The following ABCA10 variants were observed in gnomAD, a reference collection of about 807,000 sequenced individuals.
The protein encoded by ABCA10 is ATP-binding cassette sub-family A member 10.
Under a neutral mutation model 187.5 loss-of-function variants are expected in ABCA10, and 169 were observed. The ratio of observed to expected loss-of-function variants is 0.90; its 90% CI spans 0.80 to 1.02. The LOEUF (loss-of-function observed/expected upper bound fraction) is 1.02. Ranked by LOEUF, ABCA10 falls within the 50% of genes least tolerant of loss-of-function variation. The probability of loss-of-function intolerance (pLI) is 0.00; values close to 1 mark genes in which losing one functional copy is unlikely to be tolerated. For missense variants in ABCA10, 1,727 were observed against 1,812.4 expected, an observed-to-expected ratio of 0.95 and a Z score of 0.86; for synonymous variants, 574 against 601.8, an observed-to-expected ratio of 0.95 and a Z score of 0.68.
Position 69,155,032 on chromosome 17 carries a change from A to C in ABCA10, c.3681T>G (p.Phe1227Leu). 1 of 1,594,782 alleles carries C rather than the reference A, an allele frequency of 6.3e-7. No individual in the cohort carries two copies. The highest frequency in any genetic ancestry group is 8.6e-7 in the Non-Finnish European group (1 of 1,164,226). ...KKKIAIRNVS[F>L]CVKKGEVLGL... is the part of the protein sequence containing the mutation. ...AATTGTTCAAACCTTTTTTAACACA[A>C]AAGGAAACATTTCTGATGGCTATTT... Residue 1227 changes from phenylalanine (F) to leucine (L), a missense_variant, in exon 30 of 39, where the codon TTT becomes TTG. Phe to Leu is a conservative substitution (Grantham distance 22). Coordinates refer to ENST00000690296, the MANE Select transcript of ABCA10 (RefSeq NM_001377321.1).
At chr17:69,210,831 C>T (rs536216731) in intron 9 of ABCA10, among the ~76,000 whole-genome samples, 116 of 56,970 alleles carry the variant, frequency 2.0e-3, no homozygotes, top group Non-Finnish European at 5.2e-4. Context: ...TATATATATG[C>T]CACATATTTA....
chr17:69,204,309 G>C (rs1415212244), intron 9 of ABCA10, among the ~76,000 whole-genome samples: 2 of 152,130 alleles, frequency 1.3e-5, no homozygotes, highest in African/African-American at 4.8e-5. Flanking sequence ...TATATGGCTG[G>C]ATAACTGTTG....
chr17:69,220,710 G>A (rs770488758), intron 5 of ABCA10, among the ~76,000 whole-genome samples: 7 of 152,198 alleles, frequency 4.6e-5, no homozygotes, highest in Non-Finnish European at 1.0e-4. Context: ...CAGATACATG[G>A]AGCTAGAGCA....
chr17:69,242,300 G>A (rs373218943), intron 1 of ABCA10, among the ~76,000 whole-genome samples: 1 of 151,960 alleles, frequency 6.6e-6, no homozygotes, highest in East Asian at 1.9e-4. Flanking sequence ...ACAACTATAT[G>A]ACAAAGATAT....
chr17:69,164,042 A>G lies in ABCA10; in HGVS notation c.3363+32T>C, dbSNP rs1397112567. Reference sequence around the variant, plus strand: ...TTCACGGGGCTATGAATCTTATGCAATATATATATTTAGGTAGAAAATGTT... The same window carrying G: ...TTCACGGGGCTATGAATCTTATGCAGTATATATATTTAGGTAGAAAATGTT... On this transcript the variant is annotated intron_variant, in intron 27 of 38. Transcript: ENST00000690296. 2.0e-6 allele frequency: 3 copies of G among 1,480,914 alleles called. No homozygotes were observed. In the African/African-American group the frequency reaches 4.4e-5, roughly 22 times the overall value. 91.7% of individuals were successfully genotyped at this position (1,480,914 alleles called of 1,614,324 possible).
chr17:69,169,243 A>C (rs190628181), intron 25 of ABCA10, among the ~76,000 whole-genome samples: 1 of 152,226 alleles, frequency 6.6e-6, no homozygotes, highest in African/African-American at 2.4e-5. Flanking sequence ...ACCTGGGGCT[A>C]TCTAACTCTA....
Position 69,193,262 on chromosome 17 carries a change from A to G in ABCA10, c.1642-14T>C. The G allele has an allele frequency of 6.2e-7, 1 of 1,607,250 alleles. No homozygotes were observed. The highest frequency in any genetic ancestry group is 8.5e-7 in the Non-Finnish European group (1 of 1,178,152). ...TAGCAGCAAAACCTACAGAGGAGGA[A>G]ACGTATGAAAGCATCTTCCTCTTCA... On this transcript the variant is annotated splice_polypyrimidine_tract_variant and intron_variant, in intron 14 of 38. Transcript: ENST00000690296.
intron 27 of ABCA10, 128 bp from the exon 28 acceptor site, chr17:69,157,051 AAT>A: frequency 1.8e-6 from 1 of 562,272 alleles, no homozygotes; most frequent in Non-Finnish European, 2.9e-6. Context: ...TTTTCTTTTA[AAT>A]TTGACAAGCA....
rs534789261 is a variant in ABCA10 at position 69,179,984 on chromosome 17, T to C, written c.2769+2169A>G. ...TAAAAGTTGCAAGATAATTTTTATGTCTTTACAGTAATGAAGAGTTTGTCC... is the reference window on the plus strand; with the variant it reads ...TAAAAGTTGCAAGATAATTTTTATGCCTTTACAGTAATGAAGAGTTTGTCC... On this transcript the variant is annotated intron_variant, in intron 22 of 38. Coordinates refer to ENST00000690296, the MANE Select transcript of ABCA10 (RefSeq NM_001377321.1). Among the ~76,000 whole-genome samples the C allele has an allele frequency of 2.6e-5, 4 of 152,318 alleles. No individual in the cohort carries two copies. The East Asian group carries it at 5.8e-4, about 22-fold the overall frequency.
At chr17:69,220,845 T>C (rs2074742306) in intron 5 of ABCA10, among the ~76,000 whole-genome samples, 1 of 152,206 alleles carries the variant, frequency 6.6e-6, no homozygotes, top group Non-Finnish European at 1.5e-5. Flanking sequence ...ACTCATTTGT[T>C]TGTGTTATCT....
At chr17:69,194,624 T>G (rs958173833) in intron 11 of ABCA10, 129 bp from the exon 12 acceptor site, 18 of 584,258 alleles carry the variant, frequency 3.1e-5, no homozygotes, top group East Asian at 2.3e-4. Context: ...CCCTATAAAA[T>G]TATACATTTA....
intron 15 of ABCA10, among the ~76,000 whole-genome samples, 161 bp downstream of exon 15, chr17:69,192,949 C>T (rs2074472033): frequency 6.6e-6 from 1 of 152,192 alleles, no homozygotes; most frequent in South Asian, 2.1e-4. Flanking sequence ...CAGGGTTACA[C>T]CCCATGTGAC....
chr17:69,177,967 A>T (rs1314669979), intron 22 of ABCA10, among the ~76,000 whole-genome samples: 1,054 of 78,512 alleles, frequency 0.013, 24 homozygotes, highest in African/African-American at 0.031. Flanking sequence ...AAAAAAAAAA[A>T]AAAAAAATAT....
rs777225232 is a variant in ABCA10 at position 69,201,599 on chromosome 17, G to C, written c.1076C>G (p.Thr359Ser). The part of the protein sequence containing the change: ...KSSFWSKHQN[T>S]HHEIFENEIN... ...TTCATTCTCAAAGATTTCATGATGA[G>C]TATTTTGATGTTTGGACCAAAATGA... Residue 359 changes from threonine (T) to serine (S), a missense_variant, in exon 10 of 39, where the codon ACT becomes AGT. Physicochemically the swap from Thr to Ser is moderately conservative, Grantham distance 58. Coordinates refer to ENST00000690296, the MANE Select transcript of ABCA10 (RefSeq NM_001377321.1). 1.9e-6 allele frequency: 3 copies of C among 1,612,650 alleles called. No individual in the cohort carries two copies. The highest frequency in any genetic ancestry group is 2.5e-6 in the Non-Finnish European group (3 of 1,179,494).
Position 69,187,810 on chromosome 17 carries a change from T to A in ABCA10, c.2201A>T (p.Gln734Leu). Residue 734 changes from glutamine (Q) to leucine (L), a missense_variant, in exon 19 of 39, where the codon CAG becomes CTG. Gln to Leu is a moderately radical substitution (Grantham distance 113). Coordinates refer to ENST00000690296, the MANE Select transcript of ABCA10 (RefSeq NM_001377321.1). ...TGTTTCAGGAAGAGAACAAAGAACC[T>A]GTTCCATTTCAGACTCATCTCCAGT... ...RNTGDESEME[Q>L]VLCSLPETRK... 2 of 1,613,918 alleles carry A rather than the reference T, an allele frequency of 1.2e-6. No individual in the cohort carries two copies.
chr17:69,186,471 G>A (rs551081092), intron 19 of ABCA10, among the ~76,000 whole-genome samples: 4 of 152,240 alleles, frequency 2.6e-5, no homozygotes, highest in South Asian at 2.1e-4. Flanking sequence ...TCCACCCTCC[G>A]TCTATCTCTC....
In ABCA10 at chr17:69,164,949, G is replaced by A. The variant is rs1568052522; in HGVS notation, c.3282+15C>T. 6.2e-7 allele frequency: 1 copy of A among 1,612,074 alleles called. No homozygotes were observed. The highest frequency in any genetic ancestry group is 8.5e-7 in the Non-Finnish European group (1 of 1,178,800). ...CAAGGTCAAGACTGGAGACACAGTA[G>A]GTAACACTGCTTACCTGGATCAATA... On this transcript the variant is annotated intron_variant, in intron 26 of 38. Transcript: ENST00000690296.
Position 69,152,492 on chromosome 17 carries a change from A to C in ABCA10, c.4137-11T>G. 1 of 1,597,902 alleles carries C rather than the reference A, an allele frequency of 6.3e-7. No individual in the cohort carries two copies. Among genetic ancestry groups the C allele is most frequent in the Non-Finnish European group, 8.5e-7 (1 of 1,174,572 alleles). The stretch of plus-strand genomic sequence containing the variant: ...GCCTGAAGTATCTGCCTAAAGATAA[A>C]GTAAGGGATTGTTTGCATTTAGAAA... On this transcript the variant is annotated splice_polypyrimidine_tract_variant and intron_variant, in intron 34 of 38. Transcript: ENST00000690296.
chr17:69,165,817 T>G (rs555627823), intron 25 of ABCA10, among the ~76,000 whole-genome samples: 7 of 152,274 alleles, frequency 4.6e-5, no homozygotes, highest in Non-Finnish European at 1.5e-5. Context: ...CCACATTGTC[T>G]AGACATATTG....
Sources: allele counts gnomAD v4.1 joint callset (sites outside exome capture counted in the v4.1 genomes callset), GRCh38; gene constraint gnomAD v4.1.1; transcripts MANE v1.5; gene names NCBI Gene and HGNC (gene_info 2026-07-23, HGNC 2026-07-21).